The following SLC12A1 variants were observed in gnomAD, a reference collection of about 807,000 sequenced individuals.
The protein encoded by SLC12A1 is solute carrier family 12 member 1.
In SLC12A1, 89 loss-of-function variants were observed where a neutral mutation model predicts 130.4. The observed-to-expected ratio is 0.68, with a 90% confidence interval of 0.58 to 0.81. The LOEUF (loss-of-function observed/expected upper bound fraction) is 0.81. SLC12A1 is among the 40% of genes least tolerant of loss of function. The pLI is 0.00. For synonymous variants in SLC12A1, 499 were observed against 460.0 expected, an observed-to-expected ratio of 1.08 and a Z score of -1.09; for missense variants, 1,310 against 1,336.4, an observed-to-expected ratio of 0.98 and a Z score of 0.31.
chr15:48,225,877 A>G (rs1392424842), intron 4 of SLC12A1: 1 of 984,754 alleles, frequency 1.0e-6, no homozygotes, highest in Admixed American at 6.2e-5. Context: ...TCATCGGCTT[A>G]GCCGTGACAG....
rs201256087 is a variant in SLC12A1, at chr15:48,274,595, C to T, written c.2427C>T (p.Gly809=). 1.7e-5 allele frequency: 27 copies of T among 1,612,604 alleles called. No homozygotes were observed. In the East Asian group the frequency reaches 3.3e-4, roughly 20 times the overall value. The change falls in exon 20 of 27, where the codon GGC becomes GGT. Residue 809 remains glycine, a synonymous_variant. Transcript: ENST00000380993. ...GTGATGCATTTGATTTTGAGATTGG[C>T]GTGGTTATAGTCAGAATCAGCCAAG... The part of the protein sequence containing the change: ...IIHDAFDFEI[G]VVIVRISQGF...
chr15:48,224,132 T>G (rs979366737), intron 4 of SLC12A1: 2 of 152,220 alleles, frequency 1.3e-5, no homozygotes, highest in Non-Finnish European at 2.9e-5. Flanking sequence ...CCAACAACTA[T>G]GGAGCATTCA....
At position 48,292,832 on chromosome 15, in the gene SLC12A1, A is replaced by G. The variant is rs1242491765; in HGVS notation, c.2960+968A>G. 2.6e-5 allele frequency among the ~76,000 whole-genome samples: 4 copies of G among 152,250 alleles called. No individual in the cohort carries two copies. The East Asian group carries it at 7.7e-4, about 29-fold the overall frequency. ...CCCAGAGGCTTCACCTCCAAATACT[A>G]TCACCTGGAAGTTAGGGCTTCGACA... On this transcript the variant is annotated intron_variant, in intron 24 of 26. Transcript: ENST00000380993.
rs752569145 is a variant in SLC12A1 at position 48,246,973 on chromosome 15, C to G, written c.1517C>G (p.Ser506Cys). Reference protein sequence around the residue: ...ITAGIFSATLSSALASLVSAP... With the variant: ...ITAGIFSATLCSALASLVSAP... Reference sequence around the variant, plus strand: ...GCGGGAATCTTTTCTGCAACACTCTCCTCCGCCCTGGCCTCCCTTGTCAGC... The same window carrying G: ...GCGGGAATCTTTTCTGCAACACTCTGCTCCGCCCTGGCCTCCCTTGTCAGC... The change falls in exon 12 of 27, where the codon TCC becomes TGC. Residue 506 changes from serine (S) to cysteine (C), a missense_variant. Coordinates refer to ENST00000380993, the MANE Select transcript of SLC12A1 (RefSeq NM_000338.3). The G allele has an allele frequency of 6.2e-7, 1 of 1,614,010 alleles. No individual in the cohort carries two copies. The highest frequency in any genetic ancestry group is 1.7e-5 in the Admixed American group (1 of 60,030).
At chr15:48,218,482 T>G (rs2041155271) in intron 2 of SLC12A1, among the ~76,000 whole-genome samples, 1 of 152,078 alleles carries the variant, frequency 6.6e-6, no homozygotes, top group Non-Finnish European at 1.5e-5. Context: ...CAGTTTACCA[T>G]GGGTAAGCTA....
At chr15:48,254,802 T>C (rs1009301763) in intron 15 of SLC12A1, among the ~76,000 whole-genome samples, 1 of 151,850 alleles carries the variant, frequency 6.6e-6, no homozygotes, top group Non-Finnish European at 1.5e-5. Flanking sequence ...CGGGCGCCTG[T>C]AGTCCCAGCT....
chr15:48,226,905 T>C lies in SLC12A1; in HGVS notation c.724+334T>C, dbSNP rs2041296426. ...TCCAGATTTGGCTTCTGTTTTAACG[T>C]TTAGTACATTTCAGGTGCTTCCTAG... On this transcript the variant is annotated intron_variant, in intron 5 of 26. Transcript: ENST00000380993. 4 of 607,478 alleles carry C rather than the reference T, an allele frequency of 6.6e-6. No individual in the cohort carries two copies. In the Admixed American group the frequency reaches 1.2e-4, roughly 18 times the overall value. The allele number at this position is 607,478 out of a possible 1,614,324, so 37.6% of individuals were successfully genotyped here. A position where few individuals can be genotyped will look rare whatever the true frequency, so the allele number is the denominator to read the frequency against.
chr15:48,247,470 G>C lies in SLC12A1; in HGVS notation c.1684+10G>C. The stretch of plus-strand genomic sequence containing the variant: ...GCATTTATTCTTATTGGTTTGTAAA[G>C]TTTTCTTGTTTTTATTGAAAACCAA... On this transcript the variant is annotated intron_variant, in intron 13 of 26. Coordinates refer to ENST00000380993, the MANE Select transcript of SLC12A1 (RefSeq NM_000338.3). 1 of 1,581,354 alleles carries C rather than the reference G, an allele frequency of 6.3e-7. No homozygotes were observed. Among genetic ancestry groups the C allele is most frequent in the Non-Finnish European group, 8.6e-7 (1 of 1,161,460 alleles).
At chr15:48,246,842 A>G (rs2041587670) in intron 11 of SLC12A1, 67 bp from the exon 12 acceptor site, 1 of 1,006,268 alleles carries the variant, frequency 9.9e-7, no homozygotes, top group African/African-American at 1.6e-5. Flanking sequence ...TGTAGTTGAA[A>G]GCCGTTTGCT....
At chr15:48,274,485 A>G in intron 19 of SLC12A1, 86 bp from the exon 20 acceptor site, 1 of 835,912 alleles carries the variant, frequency 1.2e-6, no homozygotes, top group Non-Finnish European at 2.0e-6. Context: ...TTATATCAAA[A>G]TCCTAGAAGC....
rs1347167085 is a variant in SLC12A1 at position 48,230,546 on chromosome 15, G to T, written c.975+43G>T. The T allele has an allele frequency of 2.4e-6, 3 of 1,256,956 alleles. No individual in the cohort carries two copies. In the African/African-American group the frequency reaches 4.4e-5, roughly 18 times the overall value. The allele number at this position is 1,256,956 out of a possible 1,614,324, so 77.9% of individuals were successfully genotyped here. The stretch of plus-strand genomic sequence containing the variant: ...GATATTATCAACAGTGGCTGGTCAG[G>T]TCCTGAACAAATTGCAGGAGTAGAG... On this transcript the variant is annotated intron_variant, in intron 7 of 26. Coordinates refer to ENST00000380993, the MANE Select transcript of SLC12A1 (RefSeq NM_000338.3).
intron 6 of SLC12A1, among the ~76,000 whole-genome samples, chr15:48,229,719 T>C (rs3784614): frequency 0.93 from 141,867 of 152,270 alleles, 66,679 homozygotes; most frequent in Non-Finnish European, 0.99. Context: ...TATAGATTTC[T>C]AAAAGGAAAG....
chr15:48,221,050 A>C (rs904348951), intron 4 of SLC12A1, 54 bp downstream of exon 4: 1 of 1,506,708 alleles, frequency 6.6e-7, no homozygotes, highest in Non-Finnish European at 9.2e-7. Context: ...AAATTCAATA[A>C]GCAATCTTTT....
intron 11 of SLC12A1, 68 bp from the exon 12 acceptor site, chr15:48,246,841 A>T: frequency 1.0e-6 from 1 of 1,003,442 alleles, no homozygotes; most frequent in Non-Finnish European, 1.6e-6. Context: ...ATGTAGTTGA[A>T]AGCCGTTTGC....
chr15:48,227,403 C>CT, intron 5 of SLC12A1: 1 of 559,490 alleles, frequency 1.8e-6, no homozygotes, highest in East Asian at 3.1e-5. Flanking sequence ...TGGAGAGTGA[C>CT]TATGTGTCTA....
At chr15:48,241,136 A>G (rs1482679958) in intron 9 of SLC12A1, among the ~76,000 whole-genome samples, 1 of 152,358 alleles carries the variant, frequency 6.6e-6, no homozygotes, top group Non-Finnish European at 1.5e-5. Flanking sequence ...TATTATCCAC[A>G]TGCCAGATAT....
Position 48,226,999 on chromosome 15 carries a change from G to C in SLC12A1, c.724+428G>C, listed in dbSNP as rs1292113171. Reference sequence around the variant, plus strand: ...AGGGAGGTGGATCTTTCTGTGACAAGATTCAGACTGCTGCCTCCTGAAGTA... The same window carrying C: ...AGGGAGGTGGATCTTTCTGTGACAACATTCAGACTGCTGCCTCCTGAAGTA... On this transcript the variant is annotated intron_variant, in intron 5 of 26. Transcript: ENST00000380993. 4.5e-6 allele frequency: 4 copies of C among 884,586 alleles called. No homozygotes were observed. The East Asian group carries it at 1.1e-4, about 23-fold the overall frequency. 54.8% of individuals were successfully genotyped at this position (884,586 alleles called of 1,614,324 possible). A position where few individuals can be genotyped will look rare whatever the true frequency, so the allele number is the denominator to read the frequency against.
chr15:48,293,584 C>T (rs2042142807), intron 24 of SLC12A1, among the ~76,000 whole-genome samples: 3 of 152,140 alleles, frequency 2.0e-5, no homozygotes, highest in Admixed American at 2.0e-4. Context: ...GGCTTCTTGC[C>T]TCTTTCCTTC....
chr15:48,240,050 C>CATATAT (rs374160430), intron 9 of SLC12A1, among the ~76,000 whole-genome samples: 10 of 6,420 alleles, frequency 1.6e-3, no homozygotes, highest in East Asian at 3.8e-3. Flanking sequence ...TATATATATC[C>CATATAT]ATATATATAT....
Sources: allele counts gnomAD v4.1 joint callset (sites outside exome capture counted in the v4.1 genomes callset), GRCh38; gene constraint gnomAD v4.1.1; transcripts MANE v1.5; gene names NCBI Gene and HGNC (gene_info 2026-07-23, HGNC 2026-07-21).